Variants in OR2G6 observed in about 807,000 individuals in gnomAD.
OR2G6 encodes olfactory receptor family 2 subfamily G member 6, also known as olfactory receptor 2G6.
For synonymous variants in OR2G6, 183 were observed against 155.2 expected, an observed-to-expected ratio of 1.18 and a Z score of -1.33; for missense variants, 457 against 391.3, an observed-to-expected ratio of 1.17 and a Z score of -1.42.
rs150544691 is a variant in OR2G6 at position 248,525,386 on chromosome 1, A to G, written c.*2789A>G. The G allele has an allele frequency of 1.1e-4, 16 of 152,192 alleles. No individual in the cohort carries two copies. Among genetic ancestry groups the G allele is most frequent in the African/African-American group, 3.9e-4 (16 of 41,462 alleles). 9.4% of individuals were successfully genotyped at this position (152,192 alleles called of 1,614,324 possible). On this transcript the variant is annotated 3_prime_UTR_variant, in exon 2 of 2. Coordinates refer to ENST00000641804, the MANE Select transcript of OR2G6 (RefSeq NM_001013355.2). Reference sequence around the variant, plus strand: ...ATTGCAATTATTTAAAAACTATACAATGAGAATGCTGTAATAAGTATATGG... The same window carrying G: ...ATTGCAATTATTTAAAAACTATACAGTGAGAATGCTGTAATAAGTATATGG...
chr1:248,522,404 G>A lies in OR2G6; in HGVS notation c.758G>A (p.Gly253Glu). The change falls in exon 2 of 2, where the codon GGG (glycine) becomes GAG (glutamate). Residue 253 changes from glycine (G) to glutamate (E), a missense_variant. Physicochemically the swap from Gly to Glu is moderately conservative, Grantham distance 98. Coordinates refer to ENST00000641804, the MANE Select transcript of OR2G6 (RefSeq NM_001013355.2). Reference sequence around the variant, plus strand: ...CTGGTTGTGGTCATCATTTTCTATGGGACCATCATATTCATGTACCTTCAA... The same window carrying A: ...CTGGTTGTGGTCATCATTTTCTATGAGACCATCATATTCATGTACCTTCAA... ...SHLVVVIIFYGTIIFMYLQPA... is the reference protein window; with the variant it reads ...SHLVVVIIFYETIIFMYLQPA... 1 of 1,614,042 alleles carries A rather than the reference G, an allele frequency of 6.2e-7. No homozygotes were observed. The highest frequency in any genetic ancestry group is 8.5e-7 in the Non-Finnish European group (1 of 1,180,004).
Position 248,525,638 on chromosome 1 carries a change from A to G in OR2G6, c.*3041A>G, listed in dbSNP as rs897284575. On this transcript the variant is annotated 3_prime_UTR_variant, in exon 2 of 2. Transcript: ENST00000641804. The stretch of plus-strand genomic sequence containing the variant: ...AAAAAACACCAAAATATAAAGACCA[A>G]TGATACTGTGAAGAAACTGCATTAC... 6.6e-6 allele frequency: 1 copy of G among 152,166 alleles called. No individual in the cohort carries two copies. Among genetic ancestry groups the G allele is most frequent in the Non-Finnish European group, 1.5e-5 (1 of 68,036 alleles). 9.4% of individuals were successfully genotyped at this position (152,166 alleles called of 1,614,324 possible).
At position 248,522,136 on chromosome 1, in the gene OR2G6, G is replaced by A. The variant is rs2103061641; in HGVS notation, c.490G>A (p.Val164Met). 1 of 1,612,358 alleles carries A rather than the reference G, an allele frequency of 6.2e-7. No homozygotes were observed. The highest frequency in any genetic ancestry group is 1.3e-5 in the African/African-American group (1 of 75,020). Residue 164 changes from valine (V) to methionine (M), a missense_variant, in exon 2 of 2, where the codon GTG becomes ATG. Val to Met is a conservative substitution (Grantham distance 21). Transcript: ENST00000641804. ...ITSLIQCSLT[V>M]QLPLCGHRTL... ...CTCCCTAATTCAGTGCTCCCTCACT[G>A]TGCAGCTGCCCCTCTGTGGTCATCG...
At chr1:248,520,517 CTTTTA>C (rs138515352) in intron 1 of OR2G6, among the ~76,000 whole-genome samples, 2,996 of 152,232 alleles carry the variant, frequency 0.02, 90 homozygotes, top group African/African-American at 0.068. Flanking sequence ...CAAATTCTCC[CTTTTA>C]TTTTGACTTG....
rs949529116 is a variant in OR2G6 at position 248,522,309 on chromosome 1, C to T, written c.663C>T (p.Ile221=). Residue 221 remains isoleucine (I), a synonymous_variant, in exon 2 of 2, where the codon ATC becomes ATT. Coordinates refer to ENST00000641804, the MANE Select transcript of OR2G6 (RefSeq NM_001013355.2). ...VLLILVSYGF[I]TQAVLRIKSA... is the part of the protein sequence containing the mutation. Reference sequence around the variant, plus strand: ...TCATCTTAGTCTCCTATGGCTTTATCACTCAAGCTGTGTTAAGGATAAAAT... The same window carrying T: ...TCATCTTAGTCTCCTATGGCTTTATTACTCAAGCTGTGTTAAGGATAAAAT... 12 of 1,614,054 alleles carry T rather than the reference C, an allele frequency of 7.4e-6. No individual in the cohort carries two copies. Among genetic ancestry groups the T allele is most frequent in the African/African-American group, 1.3e-5 (1 of 74,924 alleles).
Position 248,526,319 on chromosome 1 carries a change from A to G in OR2G6, c.*3722A>G, listed in dbSNP as rs952770185. The G allele has an allele frequency of 1.2e-4, 18 of 152,234 alleles. No homozygotes were observed. The highest frequency in any genetic ancestry group is 4.3e-4 in the African/African-American group (18 of 41,448). The allele number at this position is 152,234 out of a possible 1,614,324, so 9.4% of individuals were successfully genotyped here. A position where few individuals can be genotyped will look rare whatever the true frequency, so the allele number is the denominator to read the frequency against. On this transcript the variant is annotated 3_prime_UTR_variant, in exon 2 of 2. Coordinates refer to ENST00000641804, the MANE Select transcript of OR2G6 (RefSeq NM_001013355.2). ...GAAATAGATTCATGTATTTACAGCC[A>G]ACTGATTTTTGACAAAGGTGCCAAG...
chr1:248,519,942 G>T (rs1337874941), intron 1 of OR2G6, among the ~76,000 whole-genome samples: 1 of 149,166 alleles, frequency 6.7e-6, no homozygotes. Flanking sequence ...TATATCCAAA[G>T]GATTATAAAT....
At chr1:248,521,359 C>T (rs1664281993) in intron 1 of OR2G6, among the ~76,000 whole-genome samples, 1 of 151,874 alleles carries the variant, frequency 6.6e-6, no homozygotes, top group African/African-American at 2.4e-5. Context: ...CAAGAATAAG[C>T]AAAGAGTGAA....
chr1:248,523,083 C>T lies in OR2G6; in HGVS notation c.*486C>T. 1.2e-4 allele frequency: 18 copies of T among 156,334 alleles called. No individual in the cohort carries two copies. The highest frequency in any genetic ancestry group is 5.9e-4 in the South Asian group (3 of 5,112). The allele number at this position is 156,334 out of a possible 1,614,324, so 9.7% of individuals were successfully genotyped here. A position where few individuals can be genotyped will look rare whatever the true frequency, so the allele number is the denominator to read the frequency against. ...CATCCTTGTGCAGAATTAACTGTTTCATAATATGTTTCCATAGCACTTGAT... is the reference window on the plus strand; with the variant it reads ...CATCCTTGTGCAGAATTAACTGTTTTATAATATGTTTCCATAGCACTTGAT... On this transcript the variant is annotated 3_prime_UTR_variant, in exon 2 of 2. Transcript: ENST00000641804.
chr1:248,522,655 TC>T lies in OR2G6; in HGVS notation c.*62del, dbSNP rs1206789927. On this transcript the variant is annotated 3_prime_UTR_variant, in exon 2 of 2. Transcript: ENST00000641804. Reference sequence around the variant, plus strand: ...CTCAAGGCAGAGTGAGGGTTCATCCTCCCCAGACATTCCTCTTGTCAATCCC... The same window carrying T: ...CTCAAGGCAGAGTGAGGGTTCATCCTCCCAGACATTCCTCTTGTCAATCCC... 1 of 1,131,950 alleles carries T rather than the reference TC, an allele frequency of 8.8e-7. No individual in the cohort carries two copies. Among genetic ancestry groups the T allele is most frequent in the Non-Finnish European group, 1.2e-6 (1 of 800,458 alleles). The allele number at this position is 1,131,950 out of a possible 1,614,324, so 70.1% of individuals were successfully genotyped here.
rs1296818007 is a variant in OR2G6 at position 248,523,688 on chromosome 1, CTGTG to C, written c.*1093_*1096del. ...CTGATTTAATTCTGTCTCTATCTCT[CTGTG>C]TATCTTTGTGTGTCTCAGCCTCTTT... On this transcript the variant is annotated 3_prime_UTR_variant, in exon 2 of 2. Transcript: ENST00000641804. The C allele has an allele frequency of 6.6e-6, 1 of 151,904 alleles. No individual in the cohort carries two copies. 9.4% of individuals were successfully genotyped at this position (151,904 alleles called of 1,614,324 possible).
chr1:248,521,236 T>A (rs1263347524), intron 1 of OR2G6, among the ~76,000 whole-genome samples: 1 of 151,748 alleles, frequency 6.6e-6, no homozygotes, highest in South Asian at 2.1e-4. Context: ...ATATATATAT[T>A]TGTATACATA....
Position 248,523,855 on chromosome 1 carries a change from T to C in OR2G6, c.*1258T>C, listed in dbSNP as rs562146920. 6.6e-6 allele frequency: 1 copy of C among 152,286 alleles called. No individual in the cohort carries two copies. The highest frequency in any genetic ancestry group is 6.5e-5 in the Admixed American group (1 of 15,286). 9.4% of individuals were successfully genotyped at this position (152,286 alleles called of 1,614,324 possible). On this transcript the variant is annotated 3_prime_UTR_variant, in exon 2 of 2. Transcript: ENST00000641804. ...CTTCATATTCTCATTATGATACACA[T>C]GAAAAAAGCATGAAAACATCAATGC...
chr1:248,520,861 T>A (rs904234158), intron 1 of OR2G6, among the ~76,000 whole-genome samples: 1 of 135,612 alleles, frequency 7.4e-6, no homozygotes, highest in African/African-American at 3.3e-5. Context: ...AAAAAATATA[T>A]ATATATATAA....
rs999217651 is a variant in OR2G6, at chr1:248,525,332, A to T, written c.*2735A>T. On this transcript the variant is annotated 3_prime_UTR_variant, in exon 2 of 2. Coordinates refer to ENST00000641804, the MANE Select transcript of OR2G6 (RefSeq NM_001013355.2). ...TTTCAAAGGATGCGCCAAGAAAAAA[A>T]CTATCACTTAGTTAAATGACCATTC... 1 of 152,214 alleles carries T rather than the reference A, an allele frequency of 6.6e-6. No homozygotes were observed. Among genetic ancestry groups the T allele is most frequent in the African/African-American group, 2.4e-5 (1 of 41,462 alleles). The allele number at this position is 152,214 out of a possible 1,614,324, so 9.4% of individuals were successfully genotyped here.
chr1:248,526,589 TTGCTTTG>T lies in OR2G6; in HGVS notation c.*3993_*3999del, dbSNP rs1417922172. The T allele has an allele frequency of 6.6e-6, 1 of 152,154 alleles. No individual in the cohort carries two copies. Among genetic ancestry groups the T allele is most frequent in the African/African-American group, 2.4e-5 (1 of 41,398 alleles). 9.4% of individuals were successfully genotyped at this position (152,154 alleles called of 1,614,324 possible). On this transcript the variant is annotated 3_prime_UTR_variant, in exon 2 of 2. Coordinates refer to ENST00000641804, the MANE Select transcript of OR2G6 (RefSeq NM_001013355.2). ...GTGCAAAGTAGAGAGAAATTCCCTT[TTGCTTTG>T]GCAGAGAGAGGAGAAAATAAACATT...
At position 248,526,017 on chromosome 1, in the gene OR2G6, CAAAAAAA is replaced by C. The variant is rs59325988; in HGVS notation, c.*3424_*3430del. 1 of 147,370 alleles carries C rather than the reference CAAAAAAA, an allele frequency of 6.8e-6. No individual in the cohort carries two copies. 9.1% of individuals were successfully genotyped at this position (147,370 alleles called of 1,614,324 possible). On this transcript the variant is annotated 3_prime_UTR_variant, in exon 2 of 2. Coordinates refer to ENST00000641804, the MANE Select transcript of OR2G6 (RefSeq NM_001013355.2). ...TGGGCAACAGAGCAAGACTCCATCT[CAAAAAAA>C]AAAGAAAAAAATGTATATGTTATCA...
intron 1 of OR2G6, among the ~76,000 whole-genome samples, chr1:248,520,847 T>TA (rs35946365): frequency 1.6e-3 from 165 of 102,088 alleles, no homozygotes; most frequent in African/African-American, 6.4e-3. Flanking sequence ...CCATCTCTAC[T>TA]AAAAAAAAAT....
chr1:248,522,517 A>C lies in OR2G6; in HGVS notation c.871A>C (p.Thr291Pro). Residue 291 changes from threonine to proline, a missense_variant, in exon 2 of 2, where the codon ACT (threonine) becomes CCT (proline). Transcript: ENST00000641804. ...VTPLLNPIIY[T>P]LRNKDVKGAL... is the part of the protein sequence containing the mutation. ...CCCACTTTTAAACCCCATTATCTAC[A>C]CTCTGAGAAACAAAGATGTGAAAGG... The C allele has an allele frequency of 6.2e-7, 1 of 1,613,648 alleles. No individual in the cohort carries two copies.
Sources: gnomAD v4.1 joint callset for allele counts (sites outside exome capture counted in the v4.1 genomes callset) on GRCh38, gnomAD v4.1.1 for gene constraint, MANE v1.5 for transcripts, NCBI Gene and HGNC (gene_info 2026-07-23, HGNC 2026-07-21) for gene names.